The following RBM20 variants were observed in gnomAD, a reference collection of about 807,000 sequenced individuals.
RBM20 encodes RNA binding motif protein 20, also known as RNA-binding protein 20.
A neutral mutation model predicts 110.1 loss-of-function variants in RBM20; 51 were observed. The observed-to-expected ratio is 0.46, with a 90% CI of 0.37 to 0.59. The LOEUF is 0.59. Ranked by LOEUF, RBM20 falls within the 20% of genes least tolerant of loss-of-function variation. The pLI is 0.00. For missense variants in RBM20, 1,512 were observed against 1,574.9 expected, an observed-to-expected ratio of 0.96 and a Z score of 0.68; for synonymous variants, 589 against 618.2, an observed-to-expected ratio of 0.95 and a Z score of 0.70.
chr10:110,760,543 C>T (rs1272074862), intron 1 of RBM20, among the ~76,000 whole-genome samples: 1 of 142,024 alleles, frequency 7.0e-6, no homozygotes, highest in Non-Finnish European at 1.5e-5. Flanking sequence ...TGGGTTCAAG[C>T]AATTCTCCTG....
intron 8 of RBM20, 110 bp from the exon 9 acceptor site, chr10:110,812,168 A>T: frequency 3.1e-6 from 3 of 983,476 alleles, no homozygotes; most frequent in Non-Finnish European, 4.4e-6. Flanking sequence ...TTAAGAGTGT[A>T]CACAGTTACA....
chr10:110,784,242 T>C lies in RBM20; in HGVS notation c.1338-99T>C. Reference sequence around the variant, plus strand: ...TTTTGTTTGAACACCTGTTTTCAACTATTTGGGGGTCTGCACCTACGAGTG... The same window carrying C: ...TTTTGTTTGAACACCTGTTTTCAACCATTTGGGGGTCTGCACCTACGAGTG... On this transcript the variant is annotated intron_variant, in intron 3 of 13. Coordinates refer to ENST00000369519, the MANE Select transcript of RBM20 (RefSeq NM_001134363.3). 5 of 832,256 alleles carry C rather than the reference T, an allele frequency of 6.0e-6. 1 individual carries two copies. Among genetic ancestry groups the C allele is most frequent in the Non-Finnish European group, 9.9e-6 (5 of 506,830 alleles). 51.6% of individuals were successfully genotyped at this position (832,256 alleles called of 1,614,324 possible).
At chr10:110,727,834 G>A (rs544414063) in intron 1 of RBM20, among the ~76,000 whole-genome samples, 2 of 152,020 alleles carry the variant, frequency 1.3e-5, no homozygotes, top group Non-Finnish European at 2.9e-5. Context: ...CCAGTGTGTG[G>A]TGTTCCCCTC....
At chr10:110,797,868 C>A (rs929040119) in intron 6 of RBM20, among the ~76,000 whole-genome samples, 8 of 152,006 alleles carry the variant, frequency 5.3e-5, no homozygotes, top group Non-Finnish European at 8.8e-5. Context: ...TTGTGAATTG[C>A]CTAGAGGTGA....
chr10:110,737,894 G>A (rs529327903), intron 1 of RBM20, among the ~76,000 whole-genome samples: 19 of 152,214 alleles, frequency 1.2e-4, no homozygotes, highest in African/African-American at 2.6e-4. Flanking sequence ...GAGAACATAT[G>A]TACACATTTC....
intron 8 of RBM20, among the ~76,000 whole-genome samples, chr10:110,811,506 T>C (rs966788973): frequency 4.0e-4 from 61 of 152,264 alleles, no homozygotes; most frequent in African/African-American, 1.4e-3. Context: ...TTTAAAGACG[T>C]GTAAAGCCAC....
chr10:110,734,166 A>G (rs1843645855), intron 1 of RBM20, among the ~76,000 whole-genome samples: 1 of 152,186 alleles, frequency 6.6e-6, no homozygotes, highest in Non-Finnish European at 1.5e-5. Flanking sequence ...TATCTTCTTG[A>G]TTAAATCTGG....
chr10:110,787,310 C>T (rs1243009080), intron 5 of RBM20, among the ~76,000 whole-genome samples: 3 of 152,186 alleles, frequency 2.0e-5, no homozygotes, highest in Admixed American at 6.5e-5. Flanking sequence ...GGGATAGATC[C>T]AGTATTGTCC....
chr10:110,657,548 G>A (rs983703154), intron 1 of RBM20, among the ~76,000 whole-genome samples: 6 of 152,140 alleles, frequency 3.9e-5, no homozygotes, highest in African/African-American at 1.4e-4. Context: ...AAATTCTGGA[G>A]AGTAGGCCCT....
intron 1 of RBM20, among the ~76,000 whole-genome samples, chr10:110,663,786 A>G (rs1862139682): frequency 6.6e-6 from 1 of 152,242 alleles, no homozygotes; most frequent in Non-Finnish European, 1.5e-5. Flanking sequence ...TCCCTAGTGT[A>G]TATCTTACCG....
chr10:110,706,340 G>C (rs1376513717), intron 1 of RBM20, among the ~76,000 whole-genome samples: 1 of 152,162 alleles, frequency 6.6e-6, no homozygotes, highest in Non-Finnish European at 1.5e-5. Context: ...CATACAATAG[G>C]TTCTTAAGAA....
In RBM20 at chr10:110,699,575, T is replaced by TA. The variant is rs574604530; in HGVS notation, c.191+54937dup. On this transcript the variant is annotated intron_variant, in intron 1 of 13. Transcript: ENST00000369519. ...GTGTGAGCCACTGCACACAGCCGTTTAAAAAAACAAAACAACAACAAAAAA... is the reference window on the plus strand; with the variant it reads ...GTGTGAGCCACTGCACACAGCCGTTTAAAAAAAACAAAACAACAACAAAAAA... Among the ~76,000 whole-genome samples, 368 of 152,106 alleles carry TA rather than the reference T, an allele frequency of 2.4e-3. 4 individuals carry two copies. The highest frequency in any genetic ancestry group is 8.1e-3 in the African/African-American group (337 of 41,510).
intron 7 of RBM20, among the ~76,000 whole-genome samples, chr10:110,809,685 C>G (rs1204336666): frequency 6.6e-6 from 1 of 152,142 alleles, no homozygotes; most frequent in Non-Finnish European, 1.5e-5. Flanking sequence ...TTATGCCACC[C>G]TCCTCACAGA....
intron 1 of RBM20, among the ~76,000 whole-genome samples, chr10:110,766,188 A>G (rs1844079881): frequency 1.3e-5 from 2 of 152,216 alleles, no homozygotes; most frequent in South Asian, 4.1e-4. Flanking sequence ...TTGGATCGTA[A>G]CCACAGGTTT....
At chr10:110,816,056 A>G (rs1483681026) in intron 9 of RBM20, among the ~76,000 whole-genome samples, 2 of 152,188 alleles carry the variant, frequency 1.3e-5, no homozygotes, top group East Asian at 3.8e-4. Context: ...ACAGGTGGCA[A>G]CTGAACTTGG....
At chr10:110,644,220 G>A (rs546646748), upstream of RBM20, among the ~76,000 whole-genome samples, 38 of 152,244 alleles carry the variant, frequency 2.5e-4, no homozygotes, top group East Asian at 7.2e-3. This position sits in a 1 kb window ranked among gnomAD's most constrained non-coding sequence, Gnocchi z 4.3. Flanking sequence ...GCTCCCGCCG[G>A]TCGGGAGACG....
intron 1 of RBM20, among the ~76,000 whole-genome samples, chr10:110,723,989 T>C (rs559957054): frequency 6.6e-6 from 1 of 152,318 alleles, no homozygotes; most frequent in Admixed American, 6.5e-5. Flanking sequence ...AGACACTGTA[T>C]TCTAAACACT....
At chr10:110,766,789 A>C (rs1404393999) in intron 1 of RBM20, among the ~76,000 whole-genome samples, 3 of 151,224 alleles carry the variant, frequency 2.0e-5, no homozygotes, top group African/African-American at 7.3e-5. Context: ...CCCTCTTTCT[A>C]TTCCACAAAA....
intron 1 of RBM20, among the ~76,000 whole-genome samples, chr10:110,733,575 T>C (rs1352384156): frequency 6.6e-6 from 1 of 152,252 alleles, no homozygotes; most frequent in African/African-American, 2.4e-5. Context: ...TGTACCCTGA[T>C]TGAGGTCATG....
Sources: gnomAD v4.1 joint callset for allele counts (sites outside exome capture counted in the v4.1 genomes callset) on GRCh38, gnomAD v4.1.1 for gene constraint, Gnocchi (gnomAD v3.1) non-coding constraint, MANE v1.5 for transcripts, NCBI Gene and HGNC (gene_info 2026-07-23, HGNC 2026-07-21) for gene names.